The following DAB1 variants were observed in gnomAD, a reference collection of about 807,000 sequenced individuals.
DAB1 encodes the protein disabled homolog 1.
In DAB1, 15 loss-of-function variants were observed where a neutral mutation model predicts 64.6. The ratio of observed to expected loss-of-function variants is 0.23; its 90% confidence interval spans 0.16 to 0.36. The LOEUF is 0.36. DAB1 is among the 10% of genes least tolerant of loss of function. The pLI, the probability that DAB1 is intolerant of heterozygous loss-of-function variation, is 1.00. For missense variants in DAB1, 596 were observed against 706.7 expected, an observed-to-expected ratio of 0.84 and a Z score of 1.78; for synonymous variants, 235 against 251.9, an observed-to-expected ratio of 0.93 and a Z score of 0.64.
chr1:58,166,274 T>C (rs1398121403), intron 4 of DAB1, among the ~76,000 whole-genome samples: 1 of 152,164 alleles, frequency 6.6e-6, no homozygotes, highest in African/African-American at 2.4e-5. Flanking sequence ...TTTTAGAACA[T>C]TATCGCCACC....
Position 57,215,127 on chromosome 1 carries a change from G to A in DAB1, c.68-69698C>T, listed in dbSNP as rs116697925. On this transcript the variant is annotated intron_variant, in intron 2 of 14. Coordinates refer to ENST00000371236, the MANE Select transcript of DAB1 (RefSeq NM_001365792.1). Reference sequence around the variant, plus strand: ...CATGACTCAAATTCACCCTGTGAGAGTCCAGTTATCCCACAGAGACTGTTG... The same window carrying A: ...CATGACTCAAATTCACCCTGTGAGAATCCAGTTATCCCACAGAGACTGTTG... 7.7e-3 allele frequency among the ~76,000 whole-genome samples: 1,166 copies of A among 152,184 alleles called. 30 individuals are homozygous for A. In the East Asian group the frequency reaches 0.081, roughly 11 times the overall value.
chr1:58,140,018 T>C (rs1654188122), intron 5 of DAB1, among the ~76,000 whole-genome samples: 1 of 152,208 alleles, frequency 6.6e-6, no homozygotes, highest in South Asian at 2.1e-4. Context: ...CAGAGACTCC[T>C]GCAATGGCAT....
intron 5 of DAB1, among the ~76,000 whole-genome samples, chr1:57,943,019 G>A (rs1466251863): frequency 2.0e-5 from 3 of 152,100 alleles, no homozygotes; most frequent in African/African-American, 2.4e-5. Flanking sequence ...TCATAACAGT[G>A]CTAAGCCAAA....
chr1:57,446,059 GT>G (rs1686125463), intron 7 of DAB1, among the ~76,000 whole-genome samples: 1 of 152,084 alleles, frequency 6.6e-6, no homozygotes, highest in South Asian at 2.1e-4. Context: ...ATGATTTCAG[GT>G]AAGTAACTTG....
At chr1:57,493,764 TCACACA>T (rs397963642) in intron 7 of DAB1, among the ~76,000 whole-genome samples, 2 of 148,232 alleles carry the variant, frequency 1.3e-5, no homozygotes, top group African/African-American at 4.9e-5. Context: ...TATTCACAGC[TCACACA>T]CACACACACA....
intron 5 of DAB1, among the ~76,000 whole-genome samples, chr1:58,011,987 A>T (rs1646675221): frequency 6.6e-6 from 1 of 152,138 alleles, no homozygotes; most frequent in African/African-American, 2.4e-5. Flanking sequence ...CACCATGCCC[A>T]GCCATCTTTT....
At chr1:58,509,481 G>A (rs1262696430) in intron 2 of DAB1, among the ~76,000 whole-genome samples, 2 of 149,778 alleles carry the variant, frequency 1.3e-5, no homozygotes. Context: ...CAAAACTGAT[G>A]GGATACAGCA....
chr1:57,400,189 G>A (rs370609075), intron 1 of DAB1, among the ~76,000 whole-genome samples: 3 of 152,114 alleles, frequency 2.0e-5, no homozygotes, highest in African/African-American at 7.2e-5. Context: ...TGGAAACACC[G>A]TTACAGAGTG....
exon 1 of DAB1, chr1:57,884,037 T>A (rs1032519688): frequency 1.3e-5 from 2 of 152,180 alleles, no homozygotes; most frequent in African/African-American, 4.8e-5. Context: ...GTGTCCAGGC[T>A]GGGTGGGGAC....
intron 9 of DAB1, among the ~76,000 whole-genome samples, chr1:57,051,508 T>C (rs1649186276): frequency 1.3e-5 from 2 of 152,170 alleles, no homozygotes; most frequent in Admixed American, 1.3e-4. Flanking sequence ...CATTAATGGA[T>C]TGAAGCTTCT....
At chr1:57,426,882 G>C (rs961863081), upstream of DAB1, among the ~76,000 whole-genome samples, 3 of 118,850 alleles carry the variant, frequency 2.5e-5, no homozygotes, top group Non-Finnish European at 5.7e-5. Context: ...ATATTTTTTT[G>C]AGACAGCGTC....
chr1:58,055,608 T>G (rs1297731831), intron 5 of DAB1, among the ~76,000 whole-genome samples: 1 of 152,230 alleles, frequency 6.6e-6, no homozygotes, highest in African/African-American at 2.4e-5. Flanking sequence ...CACTATACAT[T>G]TGACCAGTGA....
At chr1:57,561,239 A>G (rs1645047454) in intron 7 of DAB1, among the ~76,000 whole-genome samples, 1 of 152,152 alleles carries the variant, frequency 6.6e-6, no homozygotes, top group Non-Finnish European at 1.5e-5. Flanking sequence ...TCTTAACAAT[A>G]TGCAGGAACC....
In DAB1 at chr1:58,358,994, T is replaced by A. The variant is rs1644138840; in HGVS notation, n.258-15591A>T. Among the ~76,000 whole-genome samples the A allele has an allele frequency of 3.0e-5, 3 of 101,266 alleles. No individual in the cohort carries two copies. The South Asian group carries it at 1.0e-3, about 34-fold the overall frequency. The allele number at this position is 101,266 out of a possible 152,430, so 66.4% of individuals were successfully genotyped here. Reference sequence around the variant, plus strand: ...CACACACACTCAAAGGATGCTGGGATCTAGGTTAGGTCTGAAGAGAGAAAG... The same window carrying A: ...CACACACACTCAAAGGATGCTGGGAACTAGGTTAGGTCTGAAGAGAGAAAG... On this transcript the variant is annotated intron_variant and non_coding_transcript_variant, in intron 3 of 20. Coordinates refer to the DAB1 transcript ENST00000485760.
chr1:57,831,209 A>G (rs852781), intron 1 of DAB1, among the ~76,000 whole-genome samples: 51,823 of 152,118 alleles, frequency 0.34, 9,611 homozygotes, highest in Admixed American at 0.48. Flanking sequence ...CACCGCGCCC[A>G]GCCATGTTGC....
chr1:58,259,688 TA>T (rs931427791), intron 4 of DAB1, among the ~76,000 whole-genome samples: 1 of 152,162 alleles, frequency 6.6e-6, no homozygotes, highest in African/African-American at 2.4e-5. Context: ...CCAGGCTTCC[TA>T]AGAGGAAATT....
chr1:58,168,574 G>A (rs1008981597), intron 4 of DAB1, among the ~76,000 whole-genome samples: 6 of 151,866 alleles, frequency 4.0e-5, no homozygotes, highest in South Asian at 2.1e-4. Context: ...TTAGGTACAC[G>A]GGCTCACCAA....
chr1:58,372,019 C>A (rs1644268317), intron 3 of DAB1, among the ~76,000 whole-genome samples: 1 of 152,222 alleles, frequency 6.6e-6, no homozygotes, highest in Non-Finnish European at 1.5e-5. Context: ...GGAGCCCCCA[C>A]AGAGAGTCCC....
intron 3 of DAB1, among the ~76,000 whole-genome samples, chr1:58,472,064 C>T (rs528496784): frequency 2.0e-5 from 3 of 152,302 alleles, no homozygotes; most frequent in South Asian, 2.1e-4. Context: ...ATTACTATTG[C>T]CTACTATAAT....
Sources: allele counts gnomAD v4.1 joint callset (sites outside exome capture counted in the v4.1 genomes callset), GRCh38; gene constraint gnomAD v4.1.1; transcripts MANE v1.5; gene names NCBI Gene and HGNC (gene_info 2026-07-23, HGNC 2026-07-21).